Variants in CSPG5 observed in about 807,000 individuals in gnomAD.
CSPG5 encodes the protein chondroitin sulfate proteoglycan 5, also known as acidic leucine-rich EGF-like domain-containing brain protein.
In CSPG5, 25 loss-of-function variants were observed where a neutral mutation model predicts 39.8. That is an observed-to-expected ratio of 0.63 (90% CI 0.46 to 0.88). The LOEUF is 0.88. Ranked by LOEUF, CSPG5 falls within the 40% of genes least tolerant of loss-of-function variation. CSPG5 has a pLI of 0.00. For missense variants in CSPG5, 627 were observed against 702.2 expected (o/e 0.89, Z 1.21); for synonymous variants, 295 against 303.9 (o/e 0.97, Z 0.31).
chr3:47,574,917 C>T lies in CSPG5; in HGVS notation c.1193+1916G>A, dbSNP rs3772405. On this transcript the variant is annotated intron_variant, in intron 2 of 4. Coordinates refer to ENST00000264723, the MANE Select transcript of CSPG5 (RefSeq NM_006574.4). ...TTGCACCACTGCACTCCAGCCTGGA[C>T]GACAGAGTGAGACTCCGTCTCTAAA... 1.0e-3 allele frequency among the ~76,000 whole-genome samples: 157 copies of T among 152,128 alleles called. 3 individuals are homozygous for T. The East Asian group carries it at 0.026, about 25-fold the overall frequency.
chr3:47,571,988 A>C (rs2031546386), intron 3 of CSPG5, among the ~76,000 whole-genome samples: 1 of 152,236 alleles, frequency 6.6e-6, no homozygotes, highest in African/African-American at 2.4e-5. Flanking sequence ...CATGCACACA[A>C]CAGTCACTGC....
chr3:47,564,003 A>C (rs2031195306), intron 4 of CSPG5, among the ~76,000 whole-genome samples: 1 of 152,214 alleles, frequency 6.6e-6, no homozygotes, highest in African/African-American at 2.4e-5. Flanking sequence ...AGTGCAATTC[A>C]GTGGGCCTCA....
Position 47,572,603 on chromosome 3 carries a change from CT to C in CSPG5, c.1382+82del. 1 of 1,208,468 alleles carries C rather than the reference CT, an allele frequency of 8.3e-7. No individual in the cohort carries two copies. The highest frequency in any genetic ancestry group is 1.2e-6 in the Non-Finnish European group (1 of 835,048). The allele number at this position is 1,208,468 out of a possible 1,614,324, so 74.9% of individuals were successfully genotyped here. On this transcript the variant is annotated intron_variant, in intron 3 of 4. Transcript: ENST00000264723. The surrounding 1 kb of genome is among the most constrained non-coding windows in gnomAD (Gnocchi z 4.5). ...GCCAGAAACCCTCACGACAAAGTCC[CT>C]GGATCAGTTGGAGGGGTGCAGCAGC...
chr3:47,562,770 G>C lies in CSPG5; in HGVS notation c.1459-9C>G. ...GGAGCACTAGGATCATCCTGGAAGA[G>C]GGAAAAAGTTGGGGGGGGGGAGACA... On this transcript the variant is annotated splice_polypyrimidine_tract_variant and intron_variant, in intron 4 of 4. Coordinates refer to ENST00000264723, the MANE Select transcript of CSPG5 (RefSeq NM_006574.4). 1 of 1,596,288 alleles carries C rather than the reference G, an allele frequency of 6.3e-7. No individual in the cohort carries two copies. The highest frequency in any genetic ancestry group is 1.3e-5 in the African/African-American group (1 of 74,262).
chr3:47,572,859 G>C lies in CSPG5; in HGVS notation c.1209C>G (p.Asp403Glu). Reference sequence around the variant, plus strand: ...AGCGCATCCCCTTGTGCCAGATGTAGTCCTGCGTGTTGCACCTGCAGCAGC... The same window carrying C: ...AGCGCATCCCCTTGTGCCAGATGTACTCCTGCGTGTTGCACCTGCAGCAGC... ...IGAFCRCNTQ[D>E]YIWHKGMRCE... Residue 403 changes from aspartate (D) to glutamate (E), a missense_variant, in exon 3 of 5, where the codon GAC becomes GAG. By Grantham distance (45) the Asp-to-Glu change is conservative (BLOSUM62 2). Coordinates refer to ENST00000264723, the MANE Select transcript of CSPG5 (RefSeq NM_006574.4). This position sits in a 1 kb window ranked among gnomAD's most constrained non-coding sequence, Gnocchi z 4.5. 1 of 1,608,968 alleles carries C rather than the reference G, an allele frequency of 6.2e-7. No individual in the cohort carries two copies. Among genetic ancestry groups the C allele is most frequent in the Non-Finnish European group, 8.5e-7 (1 of 1,176,702 alleles).
At position 47,578,326 on chromosome 3, in the gene CSPG5, C is replaced by T. The variant is rs2031854831; in HGVS notation, c.97+271G>A. Among the ~76,000 whole-genome samples the T allele has an allele frequency of 6.6e-6, 1 of 150,596 alleles. No individual in the cohort carries two copies. Among genetic ancestry groups the T allele is most frequent in the Admixed American group, 6.6e-5 (1 of 15,152 alleles). On this transcript the variant is annotated intron_variant, in intron 1 of 4. Transcript: ENST00000264723. The surrounding 1 kb of genome is among the most constrained non-coding windows in gnomAD (Gnocchi z 6.0). ...TCACCCTCAGGCCCCGCCCCGGCCCCGCCCCGGCCCCGCCCCCGGCCCCGC... is the reference window on the plus strand; with the variant it reads ...TCACCCTCAGGCCCCGCCCCGGCCCTGCCCCGGCCCCGCCCCCGGCCCCGC...
At position 47,578,320 on chromosome 3, in the gene CSPG5, C is replaced by A. The variant is rs1243065066; in HGVS notation, c.97+277G>T. Among the ~76,000 whole-genome samples, 1 of 148,872 alleles carries A rather than the reference C, an allele frequency of 6.7e-6. No homozygotes were observed. Among genetic ancestry groups the A allele is most frequent in the Admixed American group, 6.6e-5 (1 of 15,060 alleles). ...GAAGTCTCACCCTCAGGCCCCGCCC[C>A]GGCCCCGCCCCGGCCCCGCCCCCGG... On this transcript the variant is annotated intron_variant, in intron 1 of 4. Coordinates refer to ENST00000264723, the MANE Select transcript of CSPG5 (RefSeq NM_006574.4). The surrounding 1 kb of genome is among the most constrained non-coding windows in gnomAD (Gnocchi z 6.0).
Position 47,576,999 on chromosome 3 carries a change from G to A in CSPG5, c.1027C>T (p.Pro343Ser). Residue 343 changes from proline to serine, a missense_variant, in exon 2 of 5, where the codon CCA (proline) becomes TCA (serine). Physicochemically the swap from Pro to Ser is moderately conservative, Grantham distance 74 (BLOSUM62 -1). Coordinates refer to ENST00000264723, the MANE Select transcript of CSPG5 (RefSeq NM_006574.4). ...PGSSIALRPR[P>S]GEPGRDLASS... The stretch of plus-strand genomic sequence containing the variant: ...GCCAAGTCCCTGCCTGGCTCTCCTG[G>A]GCGGGGCCTGAGGGCGATGCTGCTG... The A allele has an allele frequency of 1.2e-6, 2 of 1,613,456 alleles. No individual in the cohort carries two copies. The highest frequency in any genetic ancestry group is 2.2e-5 in the South Asian group (2 of 91,024).
chr3:47,574,691 C>T (rs1195040500), intron 2 of CSPG5, among the ~76,000 whole-genome samples: 1 of 151,688 alleles, frequency 6.6e-6, no homozygotes, highest in Non-Finnish European at 1.5e-5. Flanking sequence ...TGTAATCCCA[C>T]CACTTTGGGA....
intron 4 of CSPG5, among the ~76,000 whole-genome samples, chr3:47,563,955 A>G (rs1381685700): frequency 6.6e-6 from 1 of 152,120 alleles, no homozygotes; most frequent in African/African-American, 2.4e-5. Flanking sequence ...ATCTTGCTTT[A>G]CTCATTTCCT....
chr3:47,571,697 C>A (rs1356617368), intron 3 of CSPG5, among the ~76,000 whole-genome samples: 2 of 152,090 alleles, frequency 1.3e-5, no homozygotes, highest in African/African-American at 2.4e-5. Context: ...TTCCCAGGAC[C>A]CAGGGAAAGT....
At chr3:47,567,887 C>G (rs766146703) in intron 4 of CSPG5, among the ~76,000 whole-genome samples, 1 of 152,172 alleles carries the variant, frequency 6.6e-6, no homozygotes, top group Non-Finnish European at 1.5e-5. Flanking sequence ...TGGCACATGC[C>G]TCTAGTCCTA....
chr3:47,569,236 G>A lies in CSPG5; in HGVS notation c.1383-9C>T. 1 of 1,613,038 alleles carries A rather than the reference G, an allele frequency of 6.2e-7. No homozygotes were observed. The highest frequency in any genetic ancestry group is 8.5e-7 in the Non-Finnish European group (1 of 1,179,234). On this transcript the variant is annotated splice_polypyrimidine_tract_variant and intron_variant, in intron 3 of 4. Transcript: ENST00000264723. ...ATGGGGTCCGGAATTTGCTGGTTAG[G>A]AGAGAAGAGTGAAGGAAACATGTAA... is the stretch of plus-strand genomic sequence containing the variant.
chr3:47,569,125 A>G (rs1210508020), intron 4 of CSPG5, 27 bp downstream of exon 4: 1 of 1,601,366 alleles, frequency 6.2e-7, no homozygotes, highest in Admixed American at 1.7e-5. Flanking sequence ...GGGAGGAGGT[A>G]CGGGGAGTGT....
At chr3:47,567,875 G>T (rs542828563) in intron 4 of CSPG5, among the ~76,000 whole-genome samples, 2 of 152,284 alleles carry the variant, frequency 1.3e-5, no homozygotes, top group Non-Finnish European at 2.9e-5. Context: ...AGCCAGGTGT[G>T]GTGGCACATG....
Position 47,572,302 on chromosome 3 carries a change from G to T in CSPG5, c.1382+384C>A, listed in dbSNP as rs1283865563. 6.6e-6 allele frequency among the ~76,000 whole-genome samples: 1 copy of T among 152,208 alleles called. No homozygotes were observed. Among genetic ancestry groups the T allele is most frequent in the African/African-American group, 2.4e-5 (1 of 41,446 alleles). Reference sequence around the variant, plus strand: ...TTATGAATGAAATCTCGCACTGGCCGCTGGCTGTCACAGTCCAGGGAAGAA... The same window carrying T: ...TTATGAATGAAATCTCGCACTGGCCTCTGGCTGTCACAGTCCAGGGAAGAA... On this transcript the variant is annotated intron_variant, in intron 3 of 4. Transcript: ENST00000264723. The surrounding 1 kb of genome is among the most constrained non-coding windows in gnomAD (Gnocchi z 4.5).
Position 47,576,911 on chromosome 3 carries a change from G to A in CSPG5, c.1115C>T (p.Ser372Leu). The change falls in exon 2 of 5, where the codon TCA becomes TTA. Residue 372 changes from serine (S) to leucine (L), a missense_variant. Transcript: ENST00000264723. ...GTAACTTGGGAAGAGGTCGCACACT[G>A]ACCGGCAGGAGCCGTTATGCCGCAC... ...GFVRHNGSCR[S>L]VCDLFPSYCH... The A allele has an allele frequency of 6.2e-7, 1 of 1,609,770 alleles. No individual in the cohort carries two copies. The highest frequency in any genetic ancestry group is 8.5e-7 in the Non-Finnish European group (1 of 1,177,450).
chr3:47,573,030 G>A (rs2031585805), intron 2 of CSPG5, among the ~76,000 whole-genome samples, 156 bp from the exon 3 acceptor site: 5 of 152,224 alleles, frequency 3.3e-5, no homozygotes, highest in Non-Finnish European at 2.9e-5. Flanking sequence ...CCTCAGAGCT[G>A]GTGTGATCGC....
At position 47,574,812 on chromosome 3, in the gene CSPG5, G is replaced by A. The variant is rs536289822; in HGVS notation, c.1194-1938C>T. The stretch of plus-strand genomic sequence containing the variant: ...AAATTAGCTGGGCGTGGTGGCGGGC[G>A]CCTGCAGTCCCAGCTACTCCGGAGG... On this transcript the variant is annotated intron_variant, in intron 2 of 4. Coordinates refer to ENST00000264723, the MANE Select transcript of CSPG5 (RefSeq NM_006574.4). Among the ~76,000 whole-genome samples, 11 of 152,204 alleles carry A rather than the reference G, an allele frequency of 7.2e-5. No individual in the cohort carries two copies. The South Asian group carries it at 2.1e-3, about 29-fold the overall frequency.
Sources: allele counts gnomAD v4.1 joint callset (sites outside exome capture counted in the v4.1 genomes callset), GRCh38; gene constraint gnomAD v4.1.1; non-coding constraint Gnocchi (gnomAD v3.1); transcripts MANE v1.5; gene names NCBI Gene and HGNC (gene_info 2026-07-23, HGNC 2026-07-21).